VEPH1: variants seen among roughly 807,000 people sequenced by gnomAD.
The protein encoded by VEPH1 is ventricular zone-expressed PH domain-containing protein homolog 1.
Under a neutral mutation model 85.2 loss-of-function variants are expected in VEPH1, and 80 were observed. The ratio of observed to expected loss-of-function variants is 0.94; its 90% CI spans 0.78 to 1.13. The LOEUF is 1.13. VEPH1 is among the 50% of genes most tolerant of loss of function. VEPH1 has a pLI of 0.00. For synonymous variants in VEPH1, 297 were observed against 348.0 expected (o/e 0.85, Z 1.63); for missense variants, 955 against 980.5 (o/e 0.97, Z 0.35).
intron 7 of VEPH1, among the ~76,000 whole-genome samples, chr3:157,369,180 G>GAAAAAAAAATA (rs1727122231): frequency 2.3e-5 from 1 of 42,780 alleles, no homozygotes; most frequent in Non-Finnish European, 4.0e-5. Context: ...AAAACCAAAT[G>GAAAAAAAAATA]AAAAAAAAAA....
chr3:157,265,533 C>T lies in VEPH1; in HGVS notation c.2258G>A (p.Gly753Glu), dbSNP rs747709205. The change falls in exon 13 of 14, where the codon GGA becomes GAA. Residue 753 changes from glycine to glutamate, a missense_variant. Transcript: ENST00000362010. The part of the protein sequence containing the change: ...LAGNQLLFQK[G>E]KSKDDPDDCP... ...GATGATGGAGGAACTTACAGACTTTCCTTTTTGAAACAGAAGTTGATTTCC... is the reference window on the plus strand; with the variant it reads ...GATGATGGAGGAACTTACAGACTTTTCTTTTTGAAACAGAAGTTGATTTCC... The T allele has an allele frequency of 3.1e-6, 5 of 1,612,180 alleles. No individual in the cohort carries two copies. The highest frequency in any genetic ancestry group is 1.7e-5 in the Admixed American group (1 of 59,874).
Position 157,414,100 on chromosome 3 carries a change from G to T in VEPH1, c.697-10C>A. ...TACACTTCTGAACTACCTATAAAGA[G>T]AGAGGAGAGGAGGAGGGAAGAAAGA... On this transcript the variant is annotated splice_polypyrimidine_tract_variant and intron_variant, in intron 5 of 13. Coordinates refer to ENST00000362010, the MANE Select transcript of VEPH1 (RefSeq NM_001167912.2). 6.4e-7 allele frequency: 1 copy of T among 1,572,478 alleles called. No homozygotes were observed. Among genetic ancestry groups the T allele is most frequent in the South Asian group, 1.1e-5 (1 of 89,644 alleles).
intron 7 of VEPH1, among the ~76,000 whole-genome samples, chr3:157,366,864 A>G (rs1283127096): frequency 3.3e-5 from 5 of 152,216 alleles, no homozygotes; most frequent in African/African-American, 9.6e-5. Flanking sequence ...TCTGGCACCT[A>G]TATCTGCGGT....
chr3:157,333,551 A>G (rs1366101423), intron 9 of VEPH1, among the ~76,000 whole-genome samples: 1 of 152,176 alleles, frequency 6.6e-6, no homozygotes, highest in Non-Finnish European at 1.5e-5. Context: ...CTCTCTATAT[A>G]TTTGCATGAC....
intron 2 of VEPH1, among the ~76,000 whole-genome samples, chr3:157,486,235 T>C (rs986797703): frequency 1.3e-5 from 2 of 152,006 alleles, no homozygotes; most frequent in Non-Finnish European, 2.9e-5. Context: ...CGGTGGCTTA[T>C]GCCTGTAATC....
intron 9 of VEPH1, among the ~76,000 whole-genome samples, chr3:157,359,818 G>A (rs543588209): frequency 6.6e-6 from 1 of 152,272 alleles, no homozygotes; most frequent in African/African-American, 2.4e-5. Context: ...TTTTCATATG[G>A]ACCAACCTAA....
chr3:157,315,728 A>G (rs890039936), intron 10 of VEPH1: 2 of 152,072 alleles, frequency 1.3e-5, no homozygotes, highest in African/African-American at 2.4e-5. Context: ...TTGCTTAAAG[A>G]GAAAGACAAA....
At chr3:157,349,701 AT>A (rs1447740999) in intron 9 of VEPH1, among the ~76,000 whole-genome samples, 2 of 152,178 alleles carry the variant, frequency 1.3e-5, no homozygotes, top group East Asian at 1.9e-4. Context: ...ATACAAAAAA[AT>A]CATTAGTGTT....
At chr3:157,409,159 T>C (rs1328407760) in intron 6 of VEPH1, among the ~76,000 whole-genome samples, 4 of 152,148 alleles carry the variant, frequency 2.6e-5, no homozygotes, top group African/African-American at 9.7e-5. Flanking sequence ...GATGGTTGTT[T>C]GGGGAATGAA....
intron 5 of VEPH1, among the ~76,000 whole-genome samples, chr3:157,418,285 G>A (rs1330040362): frequency 6.6e-6 from 1 of 152,118 alleles, no homozygotes; most frequent in African/African-American, 2.4e-5. Flanking sequence ...CCTGAATAGA[G>A]TTAGTCACTT....
intron 9 of VEPH1, among the ~76,000 whole-genome samples, chr3:157,357,969 C>T (rs1725632367): frequency 2.0e-5 from 3 of 152,074 alleles, no homozygotes; most frequent in Admixed American, 2.0e-4. Flanking sequence ...GACATCCTTC[C>T]CAGTGATTTG....
chr3:157,357,887 A>C (rs1725622746), intron 9 of VEPH1, among the ~76,000 whole-genome samples: 4 of 152,232 alleles, frequency 2.6e-5, no homozygotes, highest in Admixed American at 2.6e-4. Flanking sequence ...AAATATAATT[A>C]ATGAGAAATA....
chr3:157,353,896 A>C (rs1725150873), intron 9 of VEPH1, among the ~76,000 whole-genome samples: 1 of 152,114 alleles, frequency 6.6e-6, no homozygotes, highest in African/African-American at 2.4e-5. Flanking sequence ...GGCACTCAAA[A>C]ATTTTGTAGA....
chr3:157,267,396 C>T (rs1021975927), intron 12 of VEPH1, among the ~76,000 whole-genome samples: 3 of 151,626 alleles, frequency 2.0e-5, no homozygotes, highest in South Asian at 2.1e-4. Flanking sequence ...CATGCCCAGC[C>T]GAAATGTAGA....
At chr3:157,459,701 G>A in intron 4 of VEPH1, 1 of 1,398,280 alleles carries the variant, frequency 7.2e-7, no homozygotes, top group Non-Finnish European at 9.3e-7. Flanking sequence ...GGCTTTTTAT[G>A]CTAGTATTTA....
intron 3 of VEPH1, among the ~76,000 whole-genome samples, chr3:157,467,978 CA>C (rs1180754193): frequency 6.6e-6 from 1 of 152,208 alleles, no homozygotes; most frequent in Admixed American, 6.5e-5. Flanking sequence ...GTAGGAGACA[CA>C]ATGCTTTACT....
intron 2 of VEPH1, among the ~76,000 whole-genome samples, 189 bp from the exon 3 acceptor site, chr3:157,470,718 C>G (rs1279918428): frequency 6.6e-6 from 1 of 152,148 alleles, no homozygotes; most frequent in Non-Finnish European, 1.5e-5. Context: ...GGCAGATACA[C>G]AAACATGCTA....
chr3:157,267,137 C>T (rs1577187247), intron 12 of VEPH1, among the ~76,000 whole-genome samples: 2 of 141,924 alleles, frequency 1.4e-5, no homozygotes, highest in Non-Finnish European at 3.0e-5. Context: ...ACTCTGTCAC[C>T]GAGGCTGGAG....
intron 3 of VEPH1, among the ~76,000 whole-genome samples, chr3:157,464,389 GC>G (rs1173837504): frequency 6.6e-6 from 1 of 152,152 alleles, no homozygotes; most frequent in Admixed American, 6.6e-5. Flanking sequence ...AATGCTAATG[GC>G]ATGCATGCAG....
Sources: gnomAD v4.1 joint callset for allele counts (sites outside exome capture counted in the v4.1 genomes callset) on GRCh38, gnomAD v4.1.1 for gene constraint, MANE v1.5 for transcripts, NCBI Gene and HGNC (gene_info 2026-07-23, HGNC 2026-07-21) for gene names.